Variants in SLC17A9 observed in about 807,000 individuals in gnomAD.
The protein encoded by SLC17A9 is solute carrier family 17 member 9.
In SLC17A9, 49 loss-of-function variants were observed where a neutral mutation model predicts 55.0. That is an observed-to-expected ratio of 0.89 (90% confidence interval 0.71 to 1.13). SLC17A9 has a LOEUF of 1.13. Ranked by LOEUF, SLC17A9 falls within the 50% of genes most tolerant of loss-of-function variation. The probability of loss-of-function intolerance (pLI) is 0.00; values close to 1 mark genes in which losing one functional copy is unlikely to be tolerated. For missense variants in SLC17A9, 526 were observed against 569.3 expected, an observed-to-expected ratio of 0.92 and a Z score of 0.77; for synonymous variants, 256 against 247.4, an observed-to-expected ratio of 1.03 and a Z score of -0.32.
chr20:62,966,446 C>G (rs1419403580), intron 10 of SLC17A9, 79 bp from the exon 11 acceptor site: 4 of 1,513,082 alleles, frequency 2.6e-6, no homozygotes, highest in Non-Finnish European at 3.6e-6. Context: ...ACCTTGCTTC[C>G]CCGCTTCCCC....
chr20:62,965,286 C>T, intron 9 of SLC17A9, 120 bp downstream of exon 9: 1 of 1,328,562 alleles, frequency 7.5e-7, no homozygotes, highest in Non-Finnish European at 1.1e-6. Context: ...TGCCAGGCCT[C>T]TCCATGTGTC....
intron 2 of SLC17A9, 80 bp downstream of exon 2, chr20:62,957,042 C>T: frequency 6.3e-7 from 1 of 1,575,670 alleles, no homozygotes; most frequent in Admixed American, 1.8e-5. Flanking sequence ...GCTGGCTGTG[C>T]TGCTGCACGC....
chr20:62,955,304 C>T lies in SLC17A9; in HGVS notation c.60-1461C>T, dbSNP rs368290108. On this transcript the variant is annotated intron_variant, in intron 1 of 12. Coordinates refer to ENST00000370351, the MANE Select transcript of SLC17A9 (RefSeq NM_022082.4). The stretch of plus-strand genomic sequence containing the variant: ...CTGGGATTACAGGCACCCGCCACTA[C>T]GCCTGGCTAATTTTTACATTTTTAG... 1.3e-4 allele frequency among the ~76,000 whole-genome samples: 19 copies of T among 151,784 alleles called. No homozygotes were observed. The South Asian group carries it at 3.5e-3, about 28-fold the overall frequency.
At chr20:62,955,069 T>C (rs2065524791) in intron 1 of SLC17A9, among the ~76,000 whole-genome samples, 1 of 151,902 alleles carries the variant, frequency 6.6e-6, no homozygotes, top group African/African-American at 2.4e-5. Flanking sequence ...CAAGCGATCC[T>C]CCTACTTCAG....
At chr20:62,965,755 C>T (rs559445194) in intron 10 of SLC17A9, 30 bp downstream of exon 10, 40 of 1,605,026 alleles carry the variant, frequency 2.5e-5, no homozygotes, top group African/African-American at 1.7e-4. Context: ...TCCACCAGAG[C>T]GCCGTGCTGC....
chr20:62,963,803 G>A, intron 7 of SLC17A9, 123 bp downstream of exon 7: 3 of 898,638 alleles, frequency 3.3e-6, no homozygotes, highest in Non-Finnish European at 3.4e-6. Flanking sequence ...GGACTCTGAG[G>A]GTCCTGGCAC....
At chr20:62,959,453 G>A (rs889917676) in intron 3 of SLC17A9, among the ~76,000 whole-genome samples, 3 of 152,250 alleles carry the variant, frequency 2.0e-5, no homozygotes, top group Non-Finnish European at 4.4e-5. Flanking sequence ...GGGGTCTGGG[G>A]GGCAGCAATG....
rs1357633851 is a variant in SLC17A9 at position 62,952,712 on chromosome 20, C to A, written c.-119C>A. On this transcript the variant is annotated 5_prime_UTR_variant, in exon 1 of 13. Transcript: ENST00000370351. ...GGCGACAAGTCCTGAGAGAACCAGA[C>A]GGAAGCGCGCTGGGACTGACACGTG... 3 of 1,114,108 alleles carry A rather than the reference C, an allele frequency of 2.7e-6. No individual in the cohort carries two copies. Among genetic ancestry groups the A allele is most frequent in the East Asian group, 5.7e-5 (2 of 35,062 alleles). 69.0% of individuals were successfully genotyped at this position (1,114,108 alleles called of 1,614,324 possible).
chr20:62,967,136 G>C (rs1250329416), intron 12 of SLC17A9: 7 of 632,022 alleles, frequency 1.1e-5, no homozygotes, highest in Non-Finnish European at 1.9e-5. Context: ...GATGGCCTGT[G>C]AGATCTCTGC....
In SLC17A9 at chr20:62,964,417, G is replaced by T. The variant is rs576989045; in HGVS notation, c.910+102G>T. On this transcript the variant is annotated intron_variant, in intron 8 of 12. Transcript: ENST00000370351. ...TCCTGGGGCTGCAGCTTCAGCACAC[G>T]GAGAGCTGGGACAGAGGGGCACTTC... 3.4e-6 allele frequency: 4 copies of T among 1,166,862 alleles called. No individual in the cohort carries two copies. The African/African-American group carries it at 4.5e-5, about 13-fold the overall frequency. The allele number at this position is 1,166,862 out of a possible 1,614,324, so 72.3% of individuals were successfully genotyped here.
chr20:62,955,188 C>A (rs1190561333), intron 1 of SLC17A9, among the ~76,000 whole-genome samples: 2 of 151,730 alleles, frequency 1.3e-5, no homozygotes, highest in Non-Finnish European at 2.9e-5. Flanking sequence ...CACTCTGTCG[C>A]CCAGGCTGGA....
rs552246302 is a variant in SLC17A9 at position 62,965,491 on chromosome 20, C to T, written c.946-119C>T. 594 of 949,926 alleles carry T rather than the reference C, an allele frequency of 6.3e-4. 3 individuals carry two copies. The East Asian group carries it at 0.013, about 21-fold the overall frequency. 58.8% of individuals were successfully genotyped at this position (949,926 alleles called of 1,614,324 possible). A position where few individuals can be genotyped will look rare whatever the true frequency, so the allele number is the denominator to read the frequency against. ...GCCTGGTCTGAGAGAAGTTTGTGGT[C>T]GCAGCCAACCTGACCGTTGTGCGGT... On this transcript the variant is annotated intron_variant, in intron 9 of 12. Transcript: ENST00000370351.
rs2065650173 is a variant in SLC17A9 at position 62,967,370 on chromosome 20, T to TG, written c.1183dup (p.Glu395GlyfsTer40). On this transcript the variant is annotated frameshift_variant, in exon 13 of 13. Transcript: ENST00000370351. LOFTEE classifies it high-confidence loss of function. ...GGTGTGTGTCTAGGCGGCTACTTGATGGAGACCACGGGCTCCTGGACTTGC... is the reference window on the plus strand; with the variant it reads ...GGTGTGTGTCTAGGCGGCTACTTGATGGGAGACCACGGGCTCCTGGACTTGC... The TG allele has an allele frequency of 6.2e-7, 1 of 1,614,118 alleles. No homozygotes were observed. Among genetic ancestry groups the TG allele is most frequent in the Non-Finnish European group, 8.5e-7 (1 of 1,180,010 alleles).
intron 10 of SLC17A9, 81 bp from the exon 11 acceptor site, chr20:62,966,444 T>G: frequency 1.3e-6 from 2 of 1,500,914 alleles, no homozygotes; most frequent in Non-Finnish European, 1.8e-6. Context: ...AGACCTTGCT[T>G]CCCCGCTTCC....
rs2065592369 is a variant in SLC17A9, at chr20:62,961,924, C to T, written c.498-700C>T. ...GCTACCCCAGGAGCTGTGTCCACCC[C>T]GCAGAGGCTCCGCGGGAGGAAGGAG... is the stretch of plus-strand genomic sequence containing the variant. On this transcript the variant is annotated intron_variant, in intron 4 of 12. Coordinates refer to ENST00000370351, the MANE Select transcript of SLC17A9 (RefSeq NM_022082.4). Among the ~76,000 whole-genome samples, 5 of 152,290 alleles carry T rather than the reference C, an allele frequency of 3.3e-5. No individual in the cohort carries two copies. The South Asian group carries it at 1.0e-3, about 32-fold the overall frequency.
At position 62,956,779 on chromosome 20, in the gene SLC17A9, C is replaced by A. The variant is rs1397666755; in HGVS notation, c.74C>A (p.Ala25Glu). The change falls in exon 2 of 13, where the codon GCA becomes GAA. Residue 25 changes from alanine to glutamate, a missense_variant. Transcript: ENST00000370351. ...CTGTCCCACAGGCCCGAGTGCCAGG[C>A]ATGGACGGGGACGCTGCTGCTGGGC... is the stretch of plus-strand genomic sequence containing the variant. ...DTQWSRPECQAWTGTLLLGTC... is the reference protein window; with the variant it reads ...DTQWSRPECQEWTGTLLLGTC... 15 of 1,611,938 alleles carry A rather than the reference C, an allele frequency of 9.3e-6. No homozygotes were observed. The highest frequency in any genetic ancestry group is 4.0e-5 in the African/African-American group (3 of 74,890).
chr20:62,967,658 A>G lies in SLC17A9; in HGVS notation c.*158A>G. 15 of 178,328 alleles carry G rather than the reference A, an allele frequency of 8.4e-5. No individual in the cohort carries two copies. Among genetic ancestry groups the G allele is most frequent in the South Asian group, 3.8e-4 (5 of 13,274 alleles). The allele number at this position is 178,328 out of a possible 1,614,324, so 11.0% of individuals were successfully genotyped here. On this transcript the variant is annotated 3_prime_UTR_variant, in exon 13 of 13. Transcript: ENST00000370351. ...AAGCTCCTTAAGAAGAGTCCACAAC[A>G]GCTGGTGGGAGGGTGGGGTGGGCCT...
chr20:62,953,030 G>A lies in SLC17A9; in HGVS notation c.59+141G>A, dbSNP rs376358165. 61 of 1,200,552 alleles carry A rather than the reference G, an allele frequency of 5.1e-5. No homozygotes were observed. In the African/African-American group the frequency reaches 5.4e-4, roughly 11 times the overall value. 74.4% of individuals were successfully genotyped at this position (1,200,552 alleles called of 1,614,324 possible). A position where few individuals can be genotyped will look rare whatever the true frequency, so the allele number is the denominator to read the frequency against. Reference sequence around the variant, plus strand: ...CTCCTCTGGCTGTGGGGCCCCCTGTGTTCCTTGTGGGAGGTGGAAGGAAGT... The same window carrying A: ...CTCCTCTGGCTGTGGGGCCCCCTGTATTCCTTGTGGGAGGTGGAAGGAAGT... On this transcript the variant is annotated intron_variant, in intron 1 of 12. Coordinates refer to ENST00000370351, the MANE Select transcript of SLC17A9 (RefSeq NM_022082.4).
chr20:62,956,863 A>G lies in SLC17A9; in HGVS notation c.158A>G (p.Gln53Arg), dbSNP rs2147646028. 6.2e-7 allele frequency: 1 copy of G among 1,613,560 alleles called. No homozygotes were observed. The highest frequency in any genetic ancestry group is 8.5e-7 in the Non-Finnish European group (1 of 1,180,022). Reference protein sequence around the residue: ...SMPICTVSMSQDFGWNKKEAG... With the variant: ...SMPICTVSMSRDFGWNKKEAG... The stretch of plus-strand genomic sequence containing the variant: ...CCCATCTGCACCGTCTCCATGAGCC[A>G]GGACTTCGGCTGGAACAAGAAGGAG... Residue 53 changes from glutamine to arginine, a missense_variant, in exon 2 of 13, where the codon CAG (glutamine) becomes CGG (arginine). Physicochemically the swap from Gln to Arg is conservative, Grantham distance 43. Transcript: ENST00000370351.
Sources: allele counts gnomAD v4.1 joint callset (sites outside exome capture counted in the v4.1 genomes callset), GRCh38; gene constraint gnomAD v4.1.1; transcripts MANE v1.5; gene names NCBI Gene and HGNC (gene_info 2026-07-23, HGNC 2026-07-21).